Variants in SCFD2 observed in about 807,000 individuals in gnomAD.
The protein encoded by SCFD2 is sec1 family domain-containing protein 2.
A neutral mutation model predicts 58.9 loss-of-function variants in SCFD2; 54 were observed. That is an observed-to-expected ratio of 0.92 (90% CI 0.74 to 1.15). SCFD2 has a LOEUF of 1.15. Ranked by LOEUF, SCFD2 falls within the 50% of genes most tolerant of loss-of-function variation. The pLI, the probability that SCFD2 is intolerant of heterozygous loss-of-function variation, is 0.00. For missense variants in SCFD2, 805 were observed against 836.6 expected (o/e 0.96, Z 0.47); for synonymous variants, 321 against 335.9 (o/e 0.96, Z 0.49).
chr4:53,012,380 A>T (rs1301031440), intron 5 of SCFD2, among the ~76,000 whole-genome samples: 17 of 149,740 alleles, frequency 1.1e-4, no homozygotes, highest in African/African-American at 3.3e-4. Flanking sequence ...TCTCTCTCAC[A>T]CACACACACA....
At chr4:53,273,804 CG>C (rs1560423436) in intron 4 of SCFD2, 21 bp downstream of exon 4, 10 of 1,586,738 alleles carry the variant, frequency 6.3e-6, no homozygotes, top group Non-Finnish European at 8.6e-6. Flanking sequence ...TAAGATCCCA[CG>C]AGGTTCCCAT....
At chr4:53,220,623 G>A (rs1362521272) in intron 4 of SCFD2, among the ~76,000 whole-genome samples, 2 of 152,144 alleles carry the variant, frequency 1.3e-5, no homozygotes, top group Non-Finnish European at 2.9e-5. Context: ...TAGACACACA[G>A]CACACAAGAG....
At chr4:53,014,810 C>T (rs1722172133) in intron 5 of SCFD2, among the ~76,000 whole-genome samples, 1 of 152,146 alleles carries the variant, frequency 6.6e-6, no homozygotes, top group African/African-American at 2.4e-5. Flanking sequence ...TACTTAAATG[C>T]ACCTTTTGAA....
At chr4:52,898,692 A>T (rs183665280) in intron 7 of SCFD2, among the ~76,000 whole-genome samples, 218 of 152,250 alleles carry the variant, frequency 1.4e-3, no homozygotes, top group African/African-American at 5.0e-3. Flanking sequence ...AGCTGAGTTC[A>T]ATTCCTGGAT....
chr4:53,251,461 G>A (rs889249565), intron 4 of SCFD2, among the ~76,000 whole-genome samples: 9 of 152,236 alleles, frequency 5.9e-5, no homozygotes, highest in South Asian at 4.2e-4. Context: ...TATCCTTGAT[G>A]AACATTGATG....
intron 3 of SCFD2, among the ~76,000 whole-genome samples, chr4:53,280,836 A>G (rs1577927109): frequency 6.6e-6 from 1 of 152,332 alleles, no homozygotes; most frequent in Middle Eastern, 3.4e-3. Context: ...ATTAGTTCAT[A>G]CACAACTGGC....
At chr4:53,051,359 T>C (rs1222269756) in intron 5 of SCFD2, among the ~76,000 whole-genome samples, 1 of 152,110 alleles carries the variant, frequency 6.6e-6, no homozygotes, top group Admixed American at 6.6e-5. Flanking sequence ...TATGCAGTTC[T>C]GGCCTGTATG....
chr4:53,193,468 A>T (rs1458292330), intron 4 of SCFD2, among the ~76,000 whole-genome samples: 2 of 152,204 alleles, frequency 1.3e-5, no homozygotes, highest in Non-Finnish European at 2.9e-5. Context: ...ACTTAAATCT[A>T]TGGACTTCAG....
At chr4:53,036,539 T>C (rs1300422376) in intron 5 of SCFD2, among the ~76,000 whole-genome samples, 1 of 150,734 alleles carries the variant, frequency 6.6e-6, no homozygotes, top group Admixed American at 6.6e-5. Context: ...TCATGTCCTT[T>C]GCAGGGACAT....
At chr4:53,287,563 C>A (rs1464009814) in intron 3 of SCFD2, among the ~76,000 whole-genome samples, 1 of 152,192 alleles carries the variant, frequency 6.6e-6, no homozygotes, top group East Asian at 1.9e-4. Flanking sequence ...ACAAGTTACA[C>A]CCTAAAACTC....
chr4:52,941,446 A>G (rs1484566168), intron 5 of SCFD2, among the ~76,000 whole-genome samples: 1 of 152,216 alleles, frequency 6.6e-6, no homozygotes, highest in Non-Finnish European at 1.5e-5. Flanking sequence ...CTGGAAAACT[A>G]AACACTCAAC....
At chr4:53,296,132 C>T (rs1560433206) in intron 3 of SCFD2, among the ~76,000 whole-genome samples, 3 of 152,136 alleles carry the variant, frequency 2.0e-5, no homozygotes, top group Non-Finnish European at 4.4e-5. Flanking sequence ...GTTTTGGTAT[C>T]AGGATGATGC....
At chr4:53,020,388 A>G (rs1560511884) in intron 5 of SCFD2, among the ~76,000 whole-genome samples, 1 of 152,314 alleles carries the variant, frequency 6.6e-6, no homozygotes, top group East Asian at 1.9e-4. Flanking sequence ...ACAACTATCC[A>G]GAACCTTGTC....
intron 5 of SCFD2, among the ~76,000 whole-genome samples, chr4:52,970,355 A>G (rs1404089320): frequency 6.6e-6 from 1 of 152,270 alleles, no homozygotes; most frequent in Non-Finnish European, 1.5e-5. Flanking sequence ...AGCAAACAGC[A>G]CACCAGGAGA....
chr4:53,000,301 G>T (rs1721834969), intron 5 of SCFD2, among the ~76,000 whole-genome samples: 2 of 152,152 alleles, frequency 1.3e-5, no homozygotes, highest in Admixed American at 1.3e-4. Flanking sequence ...AACAGATTTT[G>T]CTCTCTATAT....
chr4:52,925,947 C>T (rs1719852938), intron 5 of SCFD2, among the ~76,000 whole-genome samples: 1 of 152,102 alleles, frequency 6.6e-6, no homozygotes, highest in Admixed American at 6.6e-5. Context: ...AAATAGGGCT[C>T]CTGTGTCAGC....
intron 5 of SCFD2, among the ~76,000 whole-genome samples, chr4:52,955,205 G>C (rs1396453711): frequency 6.6e-6 from 1 of 152,192 alleles, no homozygotes; most frequent in African/African-American, 2.4e-5. Flanking sequence ...GGACAGGAGA[G>C]CTTAGGGCAG....
intron 5 of SCFD2, among the ~76,000 whole-genome samples, chr4:53,089,648 G>A (rs559961185): frequency 1.3e-5 from 2 of 152,158 alleles, no homozygotes; most frequent in Non-Finnish European, 2.9e-5. Context: ...TTGTCATGAG[G>A]CATTCATAAC....
At chr4:53,241,632 C>A (rs1729896454) in intron 4 of SCFD2, among the ~76,000 whole-genome samples, 1 of 152,212 alleles carries the variant, frequency 6.6e-6, no homozygotes, top group South Asian at 2.1e-4. Context: ...ACACACCCTG[C>A]ACATCGCTTT....
Sources: gnomAD v4.1 joint callset for allele counts (sites outside exome capture counted in the v4.1 genomes callset) on GRCh38, gnomAD v4.1.1 for gene constraint, MANE v1.5 for transcripts, NCBI Gene and HGNC (gene_info 2026-07-23, HGNC 2026-07-21) for gene names.